AGO2: variants seen among roughly 807,000 people sequenced by gnomAD.
AGO2 encodes the protein argonaute RISC catalytic component 2.
In AGO2, 5 loss-of-function variants were observed where a neutral mutation model predicts 102.3. That is an observed-to-expected ratio of 0.05 (90% CI 0.03 to 0.10). AGO2 has a LOEUF of 0.10. Ranked by LOEUF, AGO2 falls within the 10% of genes least tolerant of loss-of-function variation. The pLI, the probability that AGO2 is intolerant of heterozygous loss-of-function variation, is 1.00. For missense variants in AGO2, 541 were observed against 1,183.7 expected, an observed-to-expected ratio of 0.46 and a Z score of 7.97; for synonymous variants, 449 against 473.1, an observed-to-expected ratio of 0.95 and a Z score of 0.66.
chr8:140,539,596 A>G lies in AGO2; in HGVS notation c.2035-142T>C. 1.0e-6 allele frequency: 1 copy of G among 980,752 alleles called. No individual in the cohort carries two copies. Among genetic ancestry groups the G allele is most frequent in the South Asian group, 1.7e-5 (1 of 59,026 alleles). The allele number at this position is 980,752 out of a possible 1,614,324, so 60.8% of individuals were successfully genotyped here. A position where few individuals can be genotyped will look rare whatever the true frequency, so the allele number is the denominator to read the frequency against. On this transcript the variant is annotated intron_variant, in intron 15 of 18. Coordinates refer to ENST00000220592, the MANE Select transcript of AGO2 (RefSeq NM_012154.5). The surrounding 1 kb of genome is among the most constrained non-coding windows in gnomAD (Gnocchi z 4.7). ...AGTGTGTTCACGGGGAGGTGAAAAC[A>G]CGGGGGCAGAAACCATCCTCTCTGC...
intron 1 of AGO2, among the ~76,000 whole-genome samples, chr8:140,603,872 C>A (rs1215682243): frequency 6.6e-6 from 1 of 152,246 alleles, no homozygotes; most frequent in Non-Finnish European, 1.5e-5. Context: ...GCAAATGGCA[C>A]AGGCATGACT....
chr8:140,533,111 T>C lies in AGO2; in HGVS notation c.2272-496A>G, dbSNP rs546574310. Among the ~76,000 whole-genome samples, 136 of 151,754 alleles carry C rather than the reference T, an allele frequency of 9.0e-4. 2 individuals carry two copies. The highest frequency in any genetic ancestry group is 2.6e-3 in the African/African-American group (107 of 41,402). ...ATCATATCAAAGATATAAAGCAGGC[T>C]GGGCCCGGTGGCTCACACCTGTAAT... On this transcript the variant is annotated intron_variant, in intron 17 of 18. Transcript: ENST00000220592.
rs183707471 is a variant in AGO2, at chr8:140,583,306, G to T, written c.215+1813C>A. The stretch of plus-strand genomic sequence containing the variant: ...CTCCAGCTTGTAAATGGCCTGCTGT[G>T]GGACATCTTAGCCTCTACAATCATG... On this transcript the variant is annotated intron_variant, in intron 2 of 18. Transcript: ENST00000220592. Among the ~76,000 whole-genome samples, 4 of 152,276 alleles carry T rather than the reference G, an allele frequency of 2.6e-5. No individual in the cohort carries two copies. The East Asian group carries it at 7.7e-4, about 29-fold the overall frequency.
rs1355189704 is a variant in AGO2, at chr8:140,520,909, G to T, written c.*11135C>A. On this transcript the variant is annotated 3_prime_UTR_variant, in exon 19 of 19. Coordinates refer to ENST00000220592, the MANE Select transcript of AGO2 (RefSeq NM_012154.5). ...TAGGGCAACCTTCGAGCCAGATATT[G>T]CAGCAATTTTTTTAAATTTTTTTAA... 6.6e-6 allele frequency: 1 copy of T among 152,112 alleles called. No homozygotes were observed. Among genetic ancestry groups the T allele is most frequent in the Admixed American group, 6.5e-5 (1 of 15,270 alleles). The allele number at this position is 152,112 out of a possible 1,614,324, so 9.4% of individuals were successfully genotyped here. A position where few individuals can be genotyped will look rare whatever the true frequency, so the allele number is the denominator to read the frequency against.
Position 140,541,208 on chromosome 8 carries a change from T to C in AGO2, c.1990A>G (p.Ile664Val). 6.3e-7 allele frequency: 1 copy of C among 1,596,892 alleles called. No individual in the cohort carries two copies. Among genetic ancestry groups the C allele is most frequent in the Non-Finnish European group, 8.5e-7 (1 of 1,172,034 alleles). The change falls in exon 15 of 19, where the codon ATC becomes GTC. Residue 664 changes from isoleucine (I) to valine (V), a missense_variant. By Grantham distance (29) the Ile-to-Val change is conservative. Coordinates refer to ENST00000220592, the MANE Select transcript of AGO2 (RefSeq NM_012154.5). ...YKSTRFKPTR[I>V]IFYRDGVSEG... ...GAGACACCGTCGCGGTAGAAGATGA[T>C]GCGGGTGGGCTTGAAGCGCGTGGAC... is the stretch of plus-strand genomic sequence containing the variant.
At chr8:140,618,082 T>C (rs1045279215) in intron 1 of AGO2, among the ~76,000 whole-genome samples, 1 of 149,980 alleles carries the variant, frequency 6.7e-6, no homozygotes, top group Non-Finnish European at 1.5e-5. Context: ...GACGGGCAGA[T>C]CACGAGGTCA....
upstream of AGO2, chr8:140,637,534 G>A (rs2074418636): frequency 6.6e-6 from 1 of 152,402 alleles, no homozygotes; most frequent in African/African-American, 2.4e-5. Context: ...CTCTTTGGAT[G>A]GCGGACACCG....
chr8:140,577,929 G>C (rs1026317151), intron 2 of AGO2, among the ~76,000 whole-genome samples: 1 of 152,240 alleles, frequency 6.6e-6, no homozygotes, highest in Non-Finnish European at 1.5e-5. Context: ...CCAGCACGGC[G>C]TGCGGCTTGG....
At chr8:140,559,635 A>C in intron 5 of AGO2, 106 bp from the exon 6 acceptor site, 1 of 1,459,092 alleles carries the variant, frequency 6.9e-7, no homozygotes, top group Non-Finnish European at 9.2e-7. Context: ...TGGTGGGGAC[A>C]CCCGGCCGGG....
intron 9 of AGO2, 40 bp from the exon 10 acceptor site, chr8:140,556,058 G>A (rs1169280031): frequency 3.9e-5 from 63 of 1,612,550 alleles, no homozygotes; most frequent in Non-Finnish European, 5.2e-5. Flanking sequence ...AGTGGGTGGA[G>A]GCCTCCCATC....
intron 2 of AGO2, among the ~76,000 whole-genome samples, chr8:140,574,183 C>T (rs1220888824): frequency 2.1e-5 from 3 of 143,916 alleles, no homozygotes; most frequent in Non-Finnish European, 3.0e-5. Flanking sequence ...CAGAAACACA[C>T]TCTGCAAACC....
chr8:140,621,620 C>T (rs914663513), intron 1 of AGO2, among the ~76,000 whole-genome samples: 2 of 152,132 alleles, frequency 1.3e-5, no homozygotes, highest in African/African-American at 2.4e-5. Flanking sequence ...ATTTAGTCAT[C>T]CAGGTTCCAA....
intron 1 of AGO2, among the ~76,000 whole-genome samples, chr8:140,598,194 C>T (rs559291221): frequency 9.2e-5 from 14 of 152,312 alleles, no homozygotes; most frequent in African/African-American, 2.6e-4. Flanking sequence ...GTCCACGACC[C>T]GTATGGGAAG....
chr8:140,555,596 G>A, intron 10 of AGO2: 1 of 298,166 alleles, frequency 3.4e-6, no homozygotes, highest in Non-Finnish European at 6.2e-6. Context: ...AGCCTTCTGG[G>A]AAATAATTCG....
intron 1 of AGO2, among the ~76,000 whole-genome samples, chr8:140,607,430 C>T (rs1050225655): frequency 4.3e-5 from 6 of 141,088 alleles, no homozygotes; most frequent in South Asian, 2.3e-4. Flanking sequence ...AGTGAGACCC[C>T]GTCTCACCCC....
In AGO2 at chr8:140,623,693, C is replaced by T. The variant is rs371483854; in HGVS notation, c.22+11792G>A. 1.1e-4 allele frequency among the ~76,000 whole-genome samples: 17 copies of T among 152,016 alleles called. 1 individual carries two copies. The highest frequency in any genetic ancestry group is 4.1e-4 in the African/African-American group (17 of 41,474). Reference sequence around the variant, plus strand: ...AGTGCTATGGATGCAGCCCCATGGCCCCTCCCTCCATAATGGCCACCATCA... The same window carrying T: ...AGTGCTATGGATGCAGCCCCATGGCTCCTCCCTCCATAATGGCCACCATCA... On this transcript the variant is annotated intron_variant, in intron 1 of 18. Transcript: ENST00000220592.
At chr8:140,634,992 G>A (rs1165665523) in intron 1 of AGO2, among the ~76,000 whole-genome samples, 1 of 151,590 alleles carries the variant, frequency 6.6e-6, no homozygotes, top group African/African-American at 2.4e-5. Context: ...TGCGCGCCCC[G>A]AGCCGGGCGC....
upstream of AGO2, chr8:140,636,209 G>A (rs1210394761): frequency 6.6e-6 from 1 of 151,946 alleles, no homozygotes; most frequent in Non-Finnish European, 1.5e-5. Context: ...GCTCGCGCAG[G>A]ACCACACCGC....
rs1322654833 is a variant in AGO2, at chr8:140,521,495, TA to T, written c.*10548del. 63 of 152,348 alleles carry T rather than the reference TA, an allele frequency of 4.1e-4. No homozygotes were observed. The highest frequency in any genetic ancestry group is 3.5e-3 in the Admixed American group (54 of 15,302). The allele number at this position is 152,348 out of a possible 1,614,324, so 9.4% of individuals were successfully genotyped here. A position where few individuals can be genotyped will look rare whatever the true frequency, so the allele number is the denominator to read the frequency against. ...ATCCCTAATTTTTATTTCTTATTGG[TA>T]TAAAATCAAATTCTTAAGACTCCAA... On this transcript the variant is annotated 3_prime_UTR_variant, in exon 19 of 19. Coordinates refer to ENST00000220592, the MANE Select transcript of AGO2 (RefSeq NM_012154.5).
Sources: gnomAD v4.1 joint callset for allele counts (sites outside exome capture counted in the v4.1 genomes callset) on GRCh38, gnomAD v4.1.1 for gene constraint, Gnocchi (gnomAD v3.1) non-coding constraint, MANE v1.5 for transcripts, NCBI Gene and HGNC (gene_info 2026-07-23, HGNC 2026-07-21) for gene names.